CADPS: variants seen among roughly 807,000 people sequenced by gnomAD.
CADPS encodes calcium dependent secretion activator, also known as calcium-dependent secretion activator 1.
In CADPS, 57 loss-of-function variants were observed where a neutral mutation model predicts 167.3. The observed-to-expected ratio is 0.34, with a 90% confidence interval of 0.28 to 0.42. The LOEUF (loss-of-function observed/expected upper bound fraction) is 0.42. Among genes scored for constraint, CADPS ranks in the 20% least tolerant of loss-of-function variants. The pLI, the probability that CADPS is intolerant of heterozygous loss-of-function variation, is 1.00. For synonymous variants in CADPS, 676 were observed against 635.3 expected (o/e 1.06, Z -0.96); for missense variants, 1,414 against 1,738.1 (o/e 0.81, Z 3.32).
intron 1 of CADPS, among the ~76,000 whole-genome samples, chr3:62,842,646 T>C (rs970804024): frequency 6.6e-6 from 1 of 152,174 alleles, no homozygotes; most frequent in Non-Finnish European, 1.5e-5. Context: ...AAAAATTCCA[T>C]GAAGGCAGAA....
intron 17 of CADPS, among the ~76,000 whole-genome samples, chr3:62,511,786 C>T (rs978961970): frequency 6.6e-6 from 1 of 152,092 alleles, no homozygotes; most frequent in African/African-American, 2.4e-5. Flanking sequence ...GACCCATTTG[C>T]ATGTATACTC....
chr3:62,681,285 T>A (rs1003891439), intron 3 of CADPS, among the ~76,000 whole-genome samples: 2 of 152,074 alleles, frequency 1.3e-5, no homozygotes, highest in Non-Finnish European at 2.9e-5. Flanking sequence ...GAAAAAACTA[T>A]GCCCTCTCCA....
At chr3:62,683,798 T>C (rs1169849642) in intron 3 of CADPS, among the ~76,000 whole-genome samples, 1 of 152,062 alleles carries the variant, frequency 6.6e-6, no homozygotes. Context: ...ACTGGTCAGG[T>C]ATTTTGTGGA....
At chr3:62,775,723 T>G (rs2090114205) in intron 1 of CADPS, among the ~76,000 whole-genome samples, 1 of 152,290 alleles carries the variant, frequency 6.6e-6, no homozygotes, top group Non-Finnish European at 1.5e-5. Flanking sequence ...GGCAACTCAA[T>G]CAGACAAGTC....
chr3:62,830,691 C>A (rs2074921295), intron 1 of CADPS, among the ~76,000 whole-genome samples: 1 of 152,094 alleles, frequency 6.6e-6, no homozygotes, highest in Non-Finnish European at 1.5e-5. Flanking sequence ...CAATACACGG[C>A]CTTTTCAATG....
chr3:62,747,145 G>A (rs1462268844), intron 3 of CADPS, among the ~76,000 whole-genome samples: 1 of 152,214 alleles, frequency 6.6e-6, no homozygotes, highest in Non-Finnish European at 1.5e-5. Context: ...AAAATCTGTT[G>A]AATGAATGAT....
chr3:62,862,067 A>C (rs2080897573), intron 1 of CADPS, among the ~76,000 whole-genome samples: 1 of 152,106 alleles, frequency 6.6e-6, no homozygotes, highest in South Asian at 2.1e-4. Context: ...CGCTAAAAAA[A>C]AAAATCCAAG....
chr3:62,842,709 A>C (rs2076816638), intron 1 of CADPS, among the ~76,000 whole-genome samples: 1 of 152,194 alleles, frequency 6.6e-6, no homozygotes, highest in Admixed American at 6.5e-5. Context: ...TCTTTCCTAA[A>C]GTCAAATACA....
chr3:62,492,242 T>C, intron 20 of CADPS, 48 bp downstream of exon 20: 1 of 1,534,222 alleles, frequency 6.5e-7, no homozygotes, highest in Non-Finnish European at 9.0e-7. Flanking sequence ...GTGATCTGTT[T>C]ATCTGCACAC....
At chr3:62,824,592 A>AAAAC (rs1277843320) in intron 1 of CADPS, among the ~76,000 whole-genome samples, 1 of 152,182 alleles carries the variant, frequency 6.6e-6, no homozygotes, top group African/African-American at 2.4e-5. Flanking sequence ...TTACAAAAAC[A>AAAAC]AAACAAACAA....
At position 62,601,821 on chromosome 3, in the gene CADPS, A is replaced by G. The variant is rs2060015403; in HGVS notation, c.1326-9073T>C. On this transcript the variant is annotated intron_variant, in intron 6 of 29. Coordinates refer to ENST00000383710, the MANE Select transcript of CADPS (RefSeq NM_003716.4). The surrounding 1 kb of genome is among the most constrained non-coding windows in gnomAD (Gnocchi z 4.3). ...TATTTCTCCAAACCTGTTCCACAGT[A>G]CCACCACTTTGAAAGTGAACACTTT... Among the ~76,000 whole-genome samples the G allele has an allele frequency of 6.6e-6, 1 of 152,212 alleles. No homozygotes were observed. The highest frequency in any genetic ancestry group is 2.1e-4 in the South Asian group (1 of 4,828).
chr3:62,721,181 T>A (rs1038736576), intron 3 of CADPS, among the ~76,000 whole-genome samples: 1 of 147,276 alleles, frequency 6.8e-6, no homozygotes, highest in African/African-American at 2.5e-5. Context: ...GACATTCAGG[T>A]CTCTGTGTGA....
chr3:62,667,141 C>G (rs1044652968), intron 3 of CADPS, among the ~76,000 whole-genome samples: 2 of 150,576 alleles, frequency 1.3e-5, no homozygotes, highest in Admixed American at 6.7e-5. Flanking sequence ...GATAAGATAC[C>G]TACCCTGGCA....
rs990698839 is a variant in CADPS, at chr3:62,544,301, C to T, written c.1966+5602G>A. ...CATTTGCTTTCTTAATTGTATTTTG[C>T]AATTTCTTCTAGTCTTGCTCAGTTA... On this transcript the variant is annotated intron_variant, in intron 11 of 29. Transcript: ENST00000383710. The surrounding 1 kb of genome is among the most constrained non-coding windows in gnomAD (Gnocchi z 4.4). Among the ~76,000 whole-genome samples the T allele has an allele frequency of 2.0e-5, 3 of 152,034 alleles. No homozygotes were observed. The highest frequency in any genetic ancestry group is 6.6e-5 in the Admixed American group (1 of 15,242).
intron 8 of CADPS, among the ~76,000 whole-genome samples, chr3:62,575,731 AC>A (rs2082132854): frequency 6.6e-6 from 1 of 152,114 alleles, no homozygotes. Flanking sequence ...TAGATGACAA[AC>A]TTTGGTTTCT....
chr3:62,800,225 T>C (rs1333326589), intron 1 of CADPS, among the ~76,000 whole-genome samples: 1 of 152,138 alleles, frequency 6.6e-6, no homozygotes, highest in Non-Finnish European at 1.5e-5. Context: ...TCTGCCAGCA[T>C]TTAGGAAGCT....
At position 62,570,825 on chromosome 3, in the gene CADPS, G is replaced by A. The variant is rs780043023; in HGVS notation, c.1644+47C>T. The A allele has an allele frequency of 5.6e-6, 7 of 1,245,382 alleles. No homozygotes were observed. The Admixed American group carries it at 1.0e-4, about 18-fold the overall frequency. 77.1% of individuals were successfully genotyped at this position (1,245,382 alleles called of 1,614,324 possible). A position where few individuals can be genotyped will look rare whatever the true frequency, so the allele number is the denominator to read the frequency against. On this transcript the variant is annotated intron_variant, in intron 9 of 29. Transcript: ENST00000383710. ...AGTTAAAAAGCATTCATTCATTCTA[G>A]CAAATCTTTAATACTGATGTCTCTT...
chr3:62,469,812 C>G (rs1183057690), intron 24 of CADPS: 3 of 152,422 alleles, frequency 2.0e-5, no homozygotes, highest in Admixed American at 2.0e-4. Context: ...CCGGCCTCTA[C>G]TGGCCTTCTT....
chr3:62,641,088 C>T (rs1368262634), intron 6 of CADPS, among the ~76,000 whole-genome samples: 4 of 152,064 alleles, frequency 2.6e-5, no homozygotes, highest in African/African-American at 9.7e-5. Flanking sequence ...AATTGATTCA[C>T]TTTTTAAATG....
Sources: gnomAD v4.1 joint callset for allele counts (sites outside exome capture counted in the v4.1 genomes callset) on GRCh38, gnomAD v4.1.1 for gene constraint, Gnocchi (gnomAD v3.1) non-coding constraint, MANE v1.5 for transcripts, NCBI Gene and HGNC (gene_info 2026-07-23, HGNC 2026-07-21) for gene names.